Variants in RNF38 observed in about 807,000 individuals in gnomAD.
RNF38 encodes E3 ubiquitin-protein ligase RNF38.
A neutral mutation model predicts 67.2 loss-of-function variants in RNF38; 15 were observed. That is an observed-to-expected ratio of 0.22 (90% confidence interval 0.15 to 0.34). The LOEUF (loss-of-function observed/expected upper bound fraction) is 0.34, where lower values mean the gene tolerates loss of function less well. Among genes scored for constraint, RNF38 ranks in the 10% least tolerant of loss-of-function variants. The pLI is 1.00. For synonymous variants in RNF38, 220 were observed against 218.8 expected, an observed-to-expected ratio of 1.01 and a Z score of -0.05; for missense variants, 524 against 639.9, an observed-to-expected ratio of 0.82 and a Z score of 1.95.
rs1485697836 is a variant in RNF38 at position 36,433,634 on chromosome 9, C to T, written n.242-8951G>A. Among the ~76,000 whole-genome samples, 5 of 148,088 alleles carry T rather than the reference C, an allele frequency of 3.4e-5. No individual in the cohort carries two copies. The East Asian group carries it at 9.9e-4, about 29-fold the overall frequency. Reference sequence around the variant, plus strand: ...CCTGGGAGGCGGAAGTTGTAGTAAGCTGAGACTGTGCCACTACACTCCAGC... The same window carrying T: ...CCTGGGAGGCGGAAGTTGTAGTAAGTTGAGACTGTGCCACTACACTCCAGC... On this transcript the variant is annotated intron_variant and non_coding_transcript_variant, in intron 1 of 3. Transcript: ENST00000488058.
chr9:36,400,927 C>A, upstream of RNF38: 1 of 985,188 alleles, frequency 1.0e-6, no homozygotes, highest in South Asian at 4.6e-5. Context: ...CCGCCGCACC[C>A]CGCCTCACCC....
At chr9:36,418,490 GA>G (rs947851482) in intron 2 of RNF38, among the ~76,000 whole-genome samples, 29 of 114,598 alleles carry the variant, frequency 2.5e-4, no homozygotes, top group East Asian at 5.5e-4. Flanking sequence ...CCATCTCTAC[GA>G]AAAAAAAATA....
chr9:36,376,463 C>T (rs983458967), intron 2 of RNF38, among the ~76,000 whole-genome samples: 1 of 152,090 alleles, frequency 6.6e-6, no homozygotes, highest in African/African-American at 2.4e-5. Context: ...TCCCAAACCA[C>T]CTGAAAAATT....
At chr9:36,386,543 T>C (rs989027450) in intron 2 of RNF38, among the ~76,000 whole-genome samples, 2 of 152,196 alleles carry the variant, frequency 1.3e-5, no homozygotes, top group African/African-American at 2.4e-5. Context: ...TACTAAACAG[T>C]GGCTTGGTAA....
At chr9:36,482,968 A>G (rs114721138) in intron 1 of RNF38, among the ~76,000 whole-genome samples, 34 of 152,348 alleles carry the variant, frequency 2.2e-4, no homozygotes, top group African/African-American at 8.2e-4. Context: ...GAGTGCACAC[A>G]GTTCCACACC....
intron 1 of RNF38, among the ~76,000 whole-genome samples, chr9:36,452,020 T>C (rs112773737): frequency 9.9e-4 from 151 of 152,148 alleles, no homozygotes; most frequent in Non-Finnish European, 1.7e-3. Flanking sequence ...AGTTCAAGAA[T>C]AGCCTGGGCC....
intron 2 of RNF38, 90 bp from the exon 3 acceptor site, chr9:36,376,217 C>A: frequency 2.1e-6 from 2 of 953,348 alleles, no homozygotes; most frequent in South Asian, 2.1e-5. Flanking sequence ...TGTACTTAAC[C>A]TAAAATCTAA....
At chr9:36,362,669 G>GAGAC (rs1834647923) in intron 4 of RNF38, among the ~76,000 whole-genome samples, 1 of 146,748 alleles carries the variant, frequency 6.8e-6, no homozygotes, top group African/African-American at 2.5e-5. Flanking sequence ...TTTTTCTTTT[G>GAGAC]AGACAGAGTC....
chr9:36,478,936 C>A (rs1181215517), intron 1 of RNF38, among the ~76,000 whole-genome samples: 2 of 151,882 alleles, frequency 1.3e-5, no homozygotes, highest in Non-Finnish European at 2.9e-5. Flanking sequence ...CAAAGTAGAC[C>A]CAGATTTCTA....
intron 2 of RNF38, among the ~76,000 whole-genome samples, chr9:36,384,627 T>C (rs1048326910): frequency 2.0e-5 from 3 of 152,254 alleles, no homozygotes; most frequent in African/African-American, 7.2e-5. Context: ...GTTTATGCAG[T>C]GTTGGAATTT....
In RNF38 at chr9:36,441,178, A is replaced by G. The variant is rs193027740; in HGVS notation, n.242-16495T>C. On this transcript the variant is annotated intron_variant and non_coding_transcript_variant, in intron 1 of 3. Transcript: ENST00000488058. ...ATTTTGTAATGTACTAAGGTTACAA[A>G]AAGGCCTTTGTCCATCCCAGCAGAC... Among the ~76,000 whole-genome samples, 271 of 152,322 alleles carry G rather than the reference A, an allele frequency of 1.8e-3. 1 individual carries two copies. Among genetic ancestry groups the G allele is most frequent in the African/African-American group, 5.6e-3 (233 of 41,562 alleles).
At chr9:36,453,355 C>T (rs1377194121) in intron 1 of RNF38, among the ~76,000 whole-genome samples, 1 of 151,700 alleles carries the variant, frequency 6.6e-6, no homozygotes, top group African/African-American at 2.4e-5. Flanking sequence ...GCTGGGACCA[C>T]AGGTGCATGC....
At chr9:36,361,667 G>C (rs1456727852) in intron 4 of RNF38, among the ~76,000 whole-genome samples, 2 of 152,160 alleles carry the variant, frequency 1.3e-5, no homozygotes, top group Admixed American at 6.5e-5. Flanking sequence ...TGACTCTGGT[G>C]AATCACTTTT....
At chr9:36,439,944 G>C (rs1044039027) in intron 1 of RNF38, among the ~76,000 whole-genome samples, 2 of 151,946 alleles carry the variant, frequency 1.3e-5, no homozygotes, top group African/African-American at 2.4e-5. Context: ...TATACAGCCT[G>C]CCTTAAAGTT....
chr9:36,462,704 C>T lies in RNF38; in HGVS notation n.241+24604G>A, dbSNP rs533190126. ...TTTTTTTTTTTTTTGAGACAGAGTC[C>T]TGCTCTGTCGCCCAGGCTGGAGATC... On this transcript the variant is annotated intron_variant and non_coding_transcript_variant, in intron 1 of 3. Transcript: ENST00000488058. Among the ~76,000 whole-genome samples the T allele has an allele frequency of 7.4e-4, 112 of 150,526 alleles. 2 individuals carry two copies. The South Asian group carries it at 0.022, about 30-fold the overall frequency.
chr9:36,357,249 G>A (rs553768492), intron 5 of RNF38, among the ~76,000 whole-genome samples: 9 of 152,166 alleles, frequency 5.9e-5, no homozygotes, highest in East Asian at 1.9e-4. Context: ...CTGTCTCTAC[G>A]GCACTGAGCA....
intron 1 of RNF38, among the ~76,000 whole-genome samples, chr9:36,464,193 AC>A (rs1034303099): frequency 3.0e-4 from 42 of 139,704 alleles, no homozygotes; most frequent in African/African-American, 8.6e-4. Flanking sequence ...AAAAAACCAC[AC>A]AAAAAAAATT....
At chr9:36,395,112 G>A (rs912040039) in intron 1 of RNF38, among the ~76,000 whole-genome samples, 2 of 152,174 alleles carry the variant, frequency 1.3e-5, no homozygotes, top group Non-Finnish European at 2.9e-5. Context: ...ACAGAAAACA[G>A]TTTAACCTTT....
At chr9:36,464,089 G>A (rs922614409) in intron 1 of RNF38, among the ~76,000 whole-genome samples, 15 of 152,020 alleles carry the variant, frequency 9.9e-5, no homozygotes, top group Middle Eastern at 3.4e-3. Context: ...GCGTGAACCC[G>A]GGAGGTGGAG....
Sources: allele counts gnomAD v4.1 joint callset (sites outside exome capture counted in the v4.1 genomes callset), GRCh38; gene constraint gnomAD v4.1.1; transcripts MANE v1.5; gene names NCBI Gene and HGNC (gene_info 2026-07-23, HGNC 2026-07-21).